Variants in HNRNPC observed in about 807,000 individuals in gnomAD.
The protein encoded by HNRNPC is heterogeneous nuclear ribonucleoproteins C1/C2.
In HNRNPC, 3 loss-of-function variants were observed where a neutral mutation model predicts 33.2. That is an observed-to-expected ratio of 0.09 (90% confidence interval 0.04 to 0.23). The LOEUF (loss-of-function observed/expected upper bound fraction) is 0.23, where lower values mean the gene tolerates loss of function less well. HNRNPC is among the 10% of genes least tolerant of loss of function. HNRNPC has a pLI of 1.00. For synonymous variants in HNRNPC, 121 were observed against 126.7 expected (o/e 0.96, Z 0.30); for missense variants, 143 against 366.7 (o/e 0.39, Z 4.98).
intron 2 of HNRNPC, 94 bp downstream of exon 2, chr14:21,263,217 T>C (rs1878498700): frequency 6.6e-6 from 1 of 151,800 alleles, no homozygotes; most frequent in Admixed American, 6.6e-5. Flanking sequence ...AGTATTAATA[T>C]AATAATAATA....
At chr14:21,256,078 C>A (rs569075363) in intron 2 of HNRNPC, among the ~76,000 whole-genome samples, 5 of 151,648 alleles carry the variant, frequency 3.3e-5, no homozygotes, top group African/African-American at 9.7e-5. Context: ...ACGTGGGATG[C>A]CCTGTAAATC....
At chr14:21,226,527 A>C (rs1313112083) in intron 5 of HNRNPC, among the ~76,000 whole-genome samples, 3 of 151,402 alleles carry the variant, frequency 2.0e-5, no homozygotes. Flanking sequence ...TTATTACAAC[A>C]CCTTTCGCAA....
At chr14:21,254,776 G>A (rs1292450685) in intron 2 of HNRNPC, among the ~76,000 whole-genome samples, 1 of 152,058 alleles carries the variant, frequency 6.6e-6, no homozygotes, top group Non-Finnish European at 1.5e-5. Flanking sequence ...CGTGGTGGCA[G>A]GCGCCTGTAA....
chr14:21,247,216 T>C (rs1046570418), intron 2 of HNRNPC, among the ~76,000 whole-genome samples: 1 of 152,186 alleles, frequency 6.6e-6, no homozygotes, highest in African/African-American at 2.4e-5. Flanking sequence ...GTACAGGGCT[T>C]AGCAGTTCGT....
intron 5 of HNRNPC, among the ~76,000 whole-genome samples, chr14:21,226,342 A>C (rs540842821): frequency 2.7e-4 from 41 of 150,726 alleles, no homozygotes; most frequent in African/African-American, 1.0e-3. Flanking sequence ...AAAAAAAAAA[A>C]AAAGAAAGAA....
At chr14:21,229,100 A>AG (rs1272036312) in intron 5 of HNRNPC, among the ~76,000 whole-genome samples, 2 of 149,370 alleles carry the variant, frequency 1.3e-5, no homozygotes, top group African/African-American at 4.9e-5. Context: ...AAAAAAAAAA[A>AG]AAAAATCAGG....
chr14:21,240,448 C>A (rs1238983207), intron 2 of HNRNPC, among the ~76,000 whole-genome samples: 1 of 152,156 alleles, frequency 6.6e-6, no homozygotes, highest in Non-Finnish European at 1.5e-5. Flanking sequence ...AACTTTAAAT[C>A]TCAAGTAATT....
intron 5 of HNRNPC, among the ~76,000 whole-genome samples, chr14:21,220,403 A>G (rs1448531904): frequency 6.6e-6 from 1 of 151,856 alleles, no homozygotes; most frequent in Non-Finnish European, 1.5e-5. Flanking sequence ...AATTTTTTGT[A>G]TTTTTGGTAG....
chr14:21,214,264 C>T (rs1891920382), intron 5 of HNRNPC, among the ~76,000 whole-genome samples: 1 of 152,118 alleles, frequency 6.6e-6, no homozygotes, highest in Admixed American at 6.6e-5. Context: ...TATTAATCAC[C>T]TTTGTCATGA....
At chr14:21,223,273 A>G (rs1024029962) in intron 5 of HNRNPC, among the ~76,000 whole-genome samples, 7 of 152,056 alleles carry the variant, frequency 4.6e-5, no homozygotes, top group African/African-American at 1.7e-4. Context: ...AAGATTCATA[A>G]AACACCAGGA....
intron 2 of HNRNPC, among the ~76,000 whole-genome samples, chr14:21,253,461 C>CAAAAAAA (rs71112561): frequency 7.8e-5 from 6 of 77,250 alleles, no homozygotes; most frequent in African/African-American, 1.0e-4. Flanking sequence ...GACTCCATCT[C>CAAAAAAA]AAAAAAAAAA....
intron 6 of HNRNPC, among the ~76,000 whole-genome samples, chr14:21,212,732 T>TG (rs1335547745): frequency 1.3e-5 from 2 of 152,198 alleles, no homozygotes; most frequent in Admixed American, 1.3e-4. Flanking sequence ...TCGGTAGAGA[T>TG]GGGGTTCCTC....
chr14:21,268,307 T>C (rs996722271), intron 1 of HNRNPC, among the ~76,000 whole-genome samples: 1 of 152,196 alleles, frequency 6.6e-6, no homozygotes, highest in Non-Finnish European at 1.5e-5. Flanking sequence ...AACGCCAGAA[T>C]ATCCCGAAAG....
chr14:21,264,723 T>C (rs1878698285), intron 1 of HNRNPC: 1 of 152,168 alleles, frequency 6.6e-6, no homozygotes, highest in African/African-American at 2.4e-5. Flanking sequence ...CCTTTGTAAA[T>C]TTGAGGAAAT....
intron 2 of HNRNPC, among the ~76,000 whole-genome samples, chr14:21,239,814 CAGCG>C (rs1246341325): frequency 2.0e-5 from 3 of 152,044 alleles, no homozygotes; most frequent in Admixed American, 1.3e-4. Flanking sequence ...GTGGAGGTTG[CAGCG>C]AGCCAAGATC....
chr14:21,227,566 C>G (rs762529662), intron 5 of HNRNPC, among the ~76,000 whole-genome samples: 6 of 152,178 alleles, frequency 3.9e-5, no homozygotes, highest in Admixed American at 6.5e-5. Flanking sequence ...AACGGAATTA[C>G]TTTTGCTCAA....
intron 2 of HNRNPC, among the ~76,000 whole-genome samples, chr14:21,251,028 G>A (rs962575298): frequency 2.8e-4 from 42 of 152,144 alleles, no homozygotes; most frequent in African/African-American, 9.2e-4. Flanking sequence ...CTGGGAGGCC[G>A]AGGCGGGTAG....
chr14:21,233,901 G>A (rs1894388566), intron 3 of HNRNPC, 52 bp downstream of exon 3: 2 of 1,577,674 alleles, frequency 1.3e-6, no homozygotes, highest in Admixed American at 2.0e-5. Context: ...AAAAAAACGT[G>A]AATAGAAAAA....
chr14:21,211,762 T>C, intron 7 of HNRNPC, 48 bp downstream of exon 7: 4 of 1,536,888 alleles, frequency 2.6e-6, no homozygotes, highest in South Asian at 1.1e-5. Context: ...AAGTGCCTTA[T>C]GTAACTAACC....
Sources: gnomAD v4.1 joint callset for allele counts (sites outside exome capture counted in the v4.1 genomes callset) on GRCh38, gnomAD v4.1.1 for gene constraint, MANE v1.5 for transcripts, NCBI Gene and HGNC (gene_info 2026-07-23, HGNC 2026-07-21) for gene names.